The following CACNA1D variants were observed in gnomAD, a reference collection of about 807,000 sequenced individuals.
CACNA1D encodes the protein calcium voltage-gated channel subunit alpha1 D.
Under a neutral mutation model 257.1 loss-of-function variants are expected in CACNA1D, and 55 were observed. That is an observed-to-expected ratio of 0.21 (90% CI 0.17 to 0.27). The LOEUF (loss-of-function observed/expected upper bound fraction) is 0.27. CACNA1D is among the 10% of genes least tolerant of loss of function. The probability of loss-of-function intolerance (pLI) is 1.00; values close to 1 mark genes in which losing one functional copy is unlikely to be tolerated. For synonymous variants in CACNA1D, 980 were observed against 1,014.9 expected, an observed-to-expected ratio of 0.97 and a Z score of 0.65; for missense variants, 1,876 against 2,784.0, an observed-to-expected ratio of 0.67 and a Z score of 7.34.
chr3:53,760,452 C>G (rs1291693023), intron 29 of CACNA1D, among the ~76,000 whole-genome samples: 1 of 152,118 alleles, frequency 6.6e-6, no homozygotes, highest in East Asian at 1.9e-4. Flanking sequence ...AGGCTGGGCC[C>G]CATTTTATAT....
At chr3:53,744,928 A>T in intron 23 of CACNA1D, 101 bp downstream of exon 23, 1 of 746,958 alleles carries the variant, frequency 1.3e-6, no homozygotes. Context: ...ATGGATTTTT[A>T]AAGTGAGTTA....
intron 3 of CACNA1D, among the ~76,000 whole-genome samples, chr3:53,602,851 C>A (rs1043899465): frequency 3.3e-5 from 5 of 152,164 alleles, no homozygotes; most frequent in African/African-American, 1.2e-4. Flanking sequence ...GGTTATTAAT[C>A]CCTTGTCAGA....
chr3:53,752,037 T>C, intron 28 of CACNA1D, 130 bp downstream of exon 28: 1 of 879,504 alleles, frequency 1.1e-6, no homozygotes, highest in South Asian at 1.3e-5. Flanking sequence ...GGCTATAGGT[T>C]GGCCAGAGTT....
chr3:53,531,579 C>G (rs2091951982), intron 3 of CACNA1D, among the ~76,000 whole-genome samples: 1 of 152,052 alleles, frequency 6.6e-6, no homozygotes, highest in African/African-American at 2.4e-5. Flanking sequence ...CTGGATTGAC[C>G]CCCCTGGACT....
intron 3 of CACNA1D, among the ~76,000 whole-genome samples, chr3:53,594,074 T>A (rs1426573987): frequency 6.6e-6 from 1 of 151,830 alleles, no homozygotes; most frequent in Admixed American, 6.6e-5. Context: ...TGACAAGGAG[T>A]CTGTGAGGTA....
intron 8 of CACNA1D, among the ~76,000 whole-genome samples, chr3:53,675,472 A>G (rs2094365998): frequency 6.6e-6 from 1 of 152,230 alleles, no homozygotes; most frequent in Non-Finnish European, 1.5e-5. Context: ...GACGGAGGCC[A>G]TGGAAACCAC....
In CACNA1D at chr3:53,756,606, T is replaced by C. The variant is rs533178459; in HGVS notation, c.3786+2924T>C. On this transcript the variant is annotated intron_variant, in intron 29 of 47. Coordinates refer to ENST00000350061, the MANE Select transcript of CACNA1D (RefSeq NM_001128840.3). ...CCTAGGTCCTGCTTTCAACTTGGGGTCAACTAGACCTCTGTAGGGTTTTCA... is the reference window on the plus strand; with the variant it reads ...CCTAGGTCCTGCTTTCAACTTGGGGCCAACTAGACCTCTGTAGGGTTTTCA... Among the ~76,000 whole-genome samples, 299 of 152,298 alleles carry C rather than the reference T, an allele frequency of 2.0e-3. 3 individuals are homozygous for C. The highest frequency in any genetic ancestry group is 0.014 in the Middle Eastern group (4 of 294).
chr3:53,674,362 T>C (rs1027959245), intron 8 of CACNA1D, among the ~76,000 whole-genome samples: 1 of 152,256 alleles, frequency 6.6e-6, no homozygotes, highest in African/African-American at 2.4e-5. Context: ...TCTAGTGCTG[T>C]CATTGTGAGA....
intron 3 of CACNA1D, among the ~76,000 whole-genome samples, chr3:53,641,047 C>CGT (rs2093944451): frequency 6.6e-6 from 1 of 152,098 alleles, no homozygotes; most frequent in Non-Finnish European, 1.5e-5. Flanking sequence ...AAAGAGCAGA[C>CGT]GTGAAGACCG....
chr3:53,646,420 C>A (rs931281761), intron 3 of CACNA1D, among the ~76,000 whole-genome samples: 6 of 152,196 alleles, frequency 3.9e-5, no homozygotes, highest in Non-Finnish European at 8.8e-5. Flanking sequence ...ATGCTAGGAT[C>A]ATAAAACCTC....
chr3:53,682,784 A>G (rs191780877), intron 8 of CACNA1D, among the ~76,000 whole-genome samples: 1 of 152,330 alleles, frequency 6.6e-6, no homozygotes, highest in East Asian at 1.9e-4. Flanking sequence ...CTTAAGGCTC[A>G]TATAATCTGC....
chr3:53,531,672 C>A (rs1282273627), intron 3 of CACNA1D, among the ~76,000 whole-genome samples: 1 of 152,190 alleles, frequency 6.6e-6, no homozygotes, highest in African/African-American at 2.4e-5. Context: ...CTTCCCATCA[C>A]ACCCACTCTG....
chr3:53,604,055 T>A (rs961964777), intron 3 of CACNA1D, among the ~76,000 whole-genome samples: 1 of 152,254 alleles, frequency 6.6e-6, no homozygotes, highest in African/African-American at 2.4e-5. Flanking sequence ...CAGGCAGATT[T>A]GTCTGGAGGA....
At position 53,755,104 on chromosome 3, in the gene CACNA1D, C is replaced by T. The variant is rs113677259; in HGVS notation, c.3786+1422C>T. On this transcript the variant is annotated intron_variant, in intron 29 of 47. Coordinates refer to ENST00000350061, the MANE Select transcript of CACNA1D (RefSeq NM_001128840.3). The stretch of plus-strand genomic sequence containing the variant: ...TCCTTTGAGATTTTGGTTTGCTTCC[C>T]TCTCACCTTTACTTCTTTGAACAAT... Among the ~76,000 whole-genome samples the T allele has an allele frequency of 7.6e-4, 115 of 152,294 alleles. 1 individual carries two copies. Among genetic ancestry groups the T allele is most frequent in the Middle Eastern group, 3.4e-3 (1 of 294 alleles).
intron 3 of CACNA1D, among the ~76,000 whole-genome samples, chr3:53,603,992 G>C (rs2093477121): frequency 6.6e-6 from 1 of 152,228 alleles, no homozygotes; most frequent in African/African-American, 2.4e-5. Context: ...GGGCCTGACA[G>C]CAGGTATCTA....
intron 30 of CACNA1D, among the ~76,000 whole-genome samples, chr3:53,764,048 A>G (rs2095318623): frequency 6.6e-6 from 1 of 152,140 alleles, no homozygotes; most frequent in Non-Finnish European, 1.5e-5. Flanking sequence ...GGTGTGATTT[A>G]AGCCTCGTCA....
chr3:53,644,541 G>A (rs1319928238), intron 3 of CACNA1D, among the ~76,000 whole-genome samples: 1 of 152,072 alleles, frequency 6.6e-6, no homozygotes. Context: ...AGTGTTTTTA[G>A]ACTCCTCATA....
intron 3 of CACNA1D, among the ~76,000 whole-genome samples, chr3:53,629,012 C>T (rs1339797749): frequency 6.6e-6 from 1 of 152,266 alleles, no homozygotes; most frequent in East Asian, 1.9e-4. Flanking sequence ...GTGAGCAAAC[C>T]TTTTCTGTAA....
chr3:53,680,506 G>A (rs530759299), intron 8 of CACNA1D, among the ~76,000 whole-genome samples: 2 of 152,180 alleles, frequency 1.3e-5, no homozygotes, highest in Non-Finnish European at 2.9e-5. Context: ...CTGGGTTGTT[G>A]ATGTGCAGGT....
Sources: allele counts gnomAD v4.1 joint callset (sites outside exome capture counted in the v4.1 genomes callset), GRCh38; gene constraint gnomAD v4.1.1; transcripts MANE v1.5; gene names NCBI Gene and HGNC (gene_info 2026-07-23, HGNC 2026-07-21).